BAZ2B: variants seen among roughly 807,000 people sequenced by gnomAD.
BAZ2B encodes the protein bromodomain adjacent to zinc finger domain 2B.
In BAZ2B, 91 loss-of-function variants were observed where a neutral mutation model predicts 246.0. The observed-to-expected ratio is 0.37, with a 90% CI of 0.31 to 0.44. The LOEUF (loss-of-function observed/expected upper bound fraction) is 0.44. BAZ2B is among the 20% of genes least tolerant of loss of function. BAZ2B has a pLI of 1.00. For synonymous variants in BAZ2B, 855 were observed against 860.0 expected (o/e 0.99, Z 0.10); for missense variants, 2,332 against 2,533.7 (o/e 0.92, Z 1.71).
At chr2:159,482,587 T>C (rs2079360408) in intron 2 of BAZ2B, among the ~76,000 whole-genome samples, 1 of 152,190 alleles carries the variant, frequency 6.6e-6, no homozygotes. Flanking sequence ...TTATAGATTA[T>C]GTATATCCTT....
At chr2:159,392,836 G>A (rs1241263006) in intron 20 of BAZ2B, among the ~76,000 whole-genome samples, 2 of 152,058 alleles carry the variant, frequency 1.3e-5, no homozygotes, top group Non-Finnish European at 2.9e-5. Flanking sequence ...AATTCAATAG[G>A]CAATTTCTTC....
At chr2:159,670,222 C>T in the BAZ2B span, among the ~76,000 whole-genome samples, 2 of 152,160 alleles carry the variant, frequency 1.3e-5, no homozygotes, top group African/African-American at 4.8e-5. Flanking sequence ...CCACCTGCCT[C>T]GGCCTTCCCA....
chr2:159,485,476 C>T (rs2079712308), intron 2 of BAZ2B, among the ~76,000 whole-genome samples: 1 of 152,060 alleles, frequency 6.6e-6, no homozygotes, highest in South Asian at 2.1e-4. Context: ...AAATGAATTG[C>T]TTTTTTTGTC....
At chr2:159,336,693 C>T (rs938936539) in intron 33 of BAZ2B, among the ~76,000 whole-genome samples, 5 of 152,078 alleles carry the variant, frequency 3.3e-5, no homozygotes, top group African/African-American at 1.2e-4. Context: ...TGGGAGACAA[C>T]TTCAGTTAGA....
At chr2:159,455,338 T>C (rs927800590) in intron 3 of BAZ2B, among the ~76,000 whole-genome samples, 1 of 152,158 alleles carries the variant, frequency 6.6e-6, no homozygotes, top group Admixed American at 6.5e-5. Flanking sequence ...ATATTCTTTA[T>C]TAAAATAATG....
the BAZ2B span, among the ~76,000 whole-genome samples, chr2:159,672,528 C>A: frequency 6.6e-6 from 1 of 152,234 alleles, no homozygotes; most frequent in Non-Finnish European, 1.5e-5. Context: ...AATCCTGGGG[C>A]CTTAGAATCC....
At position 159,468,685 on chromosome 2, in the gene BAZ2B, T is replaced by C. The variant is rs1445403653; in HGVS notation, c.145+9890A>G. Among the ~76,000 whole-genome samples, 4 of 152,300 alleles carry C rather than the reference T, an allele frequency of 2.6e-5. No individual in the cohort carries two copies. The East Asian group carries it at 7.7e-4, about 29-fold the overall frequency. Reference sequence around the variant, plus strand: ...CAGCAGTAATTACAAGGGAAATTCATAGCATTAAATACATATATAAGAAAA... The same window carrying C: ...CAGCAGTAATTACAAGGGAAATTCACAGCATTAAATACATATATAAGAAAA... On this transcript the variant is annotated intron_variant, in intron 3 of 36. Transcript: ENST00000392783.
chr2:159,400,704 A>G, intron 16 of BAZ2B, 40 bp from the exon 17 acceptor site: 1 of 1,174,358 alleles, frequency 8.5e-7, no homozygotes, highest in Non-Finnish European at 1.3e-6. Flanking sequence ...AATAAAATAA[A>G]CTATCTGAGT....
In BAZ2B at chr2:159,427,948, C is replaced by G; in HGVS notation, c.2459G>C (p.Gly820Ala). The change falls in exon 13 of 37, where the codon GGA (glycine) becomes GCA (alanine). Residue 820 changes from glycine (G) to alanine (A), a missense_variant. Gly to Ala is a moderately conservative substitution (Grantham distance 60). This residue lies in a region of BAZ2B where 651 missense variants were observed against 650.9 expected (regional missense o/e 1.00). Coordinates refer to ENST00000392783, the MANE Select transcript of BAZ2B (RefSeq NM_013450.4). ...RVGDFYEARD[G>A]PQGMQWCLLK... ...TTTTTAAAAAGTGGATACCTGCGGT[C>G]CATCTCTGGCTTCATAGAAGTCACC... 6.2e-7 allele frequency: 1 copy of G among 1,612,988 alleles called. No homozygotes were observed.
intron 27 of BAZ2B, among the ~76,000 whole-genome samples, chr2:159,355,503 C>G (rs2059011344): frequency 6.6e-6 from 1 of 152,150 alleles, no homozygotes; most frequent in Non-Finnish European, 1.5e-5. Flanking sequence ...TCTCACATTT[C>G]CATGGTAGCA....
chr2:159,513,736 CT>C (rs2083161730), intron 2 of BAZ2B, among the ~76,000 whole-genome samples: 1 of 152,162 alleles, frequency 6.6e-6, no homozygotes, highest in South Asian at 2.1e-4. Context: ...CTCTAAGAAC[CT>C]TCTAACTGGT....
chr2:159,478,447 G>A, intron 3 of BAZ2B, 128 bp downstream of exon 3: 6 of 1,001,498 alleles, frequency 6.0e-6, no homozygotes, highest in South Asian at 2.7e-5. Flanking sequence ...AAGACTAGGT[G>A]TTTAACCTAG....
chr2:159,645,370 C>T, the BAZ2B span, among the ~76,000 whole-genome samples: 3 of 151,982 alleles, frequency 2.0e-5, no homozygotes, highest in South Asian at 2.1e-4. Context: ...GGACCAGTTT[C>T]GTGGAAGACA....
chr2:159,526,970 C>G (rs1005299296), intron 2 of BAZ2B, among the ~76,000 whole-genome samples: 3 of 149,702 alleles, frequency 2.0e-5, no homozygotes, highest in African/African-American at 7.4e-5. Flanking sequence ...TTTTTTGAAA[C>G]TGCAAACTAT....
At chr2:159,491,630 A>G (rs1489710227) in intron 2 of BAZ2B, among the ~76,000 whole-genome samples, 1 of 142,270 alleles carries the variant, frequency 7.0e-6, no homozygotes, top group Non-Finnish European at 1.5e-5. Flanking sequence ...CTGAGGCAGG[A>G]GAATGGCGTG....
intron 2 of BAZ2B, among the ~76,000 whole-genome samples, chr2:159,536,050 T>C (rs1033603634): frequency 1.3e-5 from 2 of 152,202 alleles, no homozygotes; most frequent in Non-Finnish European, 2.9e-5. Context: ...TATATACAGA[T>C]TTGCTGAACA....
intron 26 of BAZ2B, among the ~76,000 whole-genome samples, chr2:159,374,388 T>C (rs1177222317): frequency 6.6e-6 from 1 of 152,222 alleles, no homozygotes; most frequent in Non-Finnish European, 1.5e-5. Flanking sequence ...TGACATTTTG[T>C]ATTTATATGA....
intron 2 of BAZ2B, among the ~76,000 whole-genome samples, chr2:159,515,123 T>C (rs2083297636): frequency 6.6e-6 from 1 of 152,006 alleles, no homozygotes; most frequent in South Asian, 2.1e-4. Context: ...TTCATAATCT[T>C]ATGTTTTCTT....
At chr2:159,654,377 A>C in the BAZ2B span, among the ~76,000 whole-genome samples, 1 of 152,190 alleles carries the variant, frequency 6.6e-6, no homozygotes, top group Non-Finnish European at 1.5e-5. Flanking sequence ...ATAGGCTTGA[A>C]TATATCACAT....
Sources: gnomAD v4.1 joint callset for allele counts (sites outside exome capture counted in the v4.1 genomes callset) on GRCh38, gnomAD v4.1.1 for gene constraint, gnomAD v4.1.1 regional missense constraint, MANE v1.5 for transcripts, NCBI Gene and HGNC (gene_info 2026-07-23, HGNC 2026-07-21) for gene names.